The following GATA5 variants were observed in gnomAD, a reference collection of about 807,000 sequenced individuals.
GATA5 encodes transcription factor GATA-5.
Under a neutral mutation model 35.0 loss-of-function variants are expected in GATA5, and 27 were observed. The observed-to-expected ratio is 0.77, with a 90% CI of 0.57 to 1.06. GATA5 has a LOEUF of 1.06. Among genes scored for constraint, GATA5 ranks in the 50% least tolerant of loss-of-function variants. GATA5 has a pLI of 0.00. For missense variants in GATA5, 612 were observed against 580.0 expected (o/e 1.06, Z -0.57); for synonymous variants, 306 against 267.8 (o/e 1.14, Z -1.39).
rs1393956618 is a variant in GATA5, at chr20:62,463,785, C to A, written c.*1051G>T. Reference sequence around the variant, plus strand: ...AGGGCTTGTTGTTGAAGGGCAGCAGCCGGACGGAGGCGAGGATGTGCTCCC... The same window carrying A: ...AGGGCTTGTTGTTGAAGGGCAGCAGACGGACGGAGGCGAGGATGTGCTCCC... On this transcript the variant is annotated 3_prime_UTR_variant, in exon 7 of 7. Transcript: ENST00000252997. The A allele has an allele frequency of 4.4e-5, 5 of 112,556 alleles. No homozygotes were observed. The highest frequency in any genetic ancestry group is 1.6e-4 in the African/African-American group (5 of 30,476). The allele number at this position is 112,556 out of a possible 1,614,324, so 7.0% of individuals were successfully genotyped here. A position where few individuals can be genotyped will look rare whatever the true frequency, so the allele number is the denominator to read the frequency against.
At chr20:62,465,286 G>A in intron 6 of GATA5, 54 bp downstream of exon 6, 1 of 1,538,662 alleles carries the variant, frequency 6.5e-7, no homozygotes, top group Non-Finnish European at 8.7e-7. Flanking sequence ...TGACTTGGCG[G>A]AGGAAGCACA....
chr20:62,475,220 C>T lies in GATA5; in HGVS notation c.302G>A (p.Gly101Glu), dbSNP rs2146490434. The T allele has an allele frequency of 2.4e-6, 3 of 1,250,396 alleles. No individual in the cohort carries two copies. Among genetic ancestry groups the T allele is most frequent in the South Asian group, 3.3e-5 (1 of 30,112 alleles). 77.5% of individuals were successfully genotyped at this position (1,250,396 alleles called of 1,614,324 possible). A position where few individuals can be genotyped will look rare whatever the true frequency, so the allele number is the denominator to read the frequency against. The change falls in exon 2 of 7, where the codon GGG becomes GAG. Residue 101 changes from glycine to glutamate, a missense_variant. Gly to Glu is a moderately conservative substitution (Grantham distance 98). Transcript: ENST00000252997. ...TAFPFAHSPS[G>E]PGSGGSAGGR... ...CCCCGCGCTGCCGCCGCTGCCGGGC[C>T]CCGAGGGGCTGTGCGCGAAAGGGAA...
chr20:62,464,535 C>T lies in GATA5; in HGVS notation c.*301G>A, dbSNP rs1434708700. ...GAATTCAAGTTGGTGGTGGTGGTGC[C>T]CTGCGTTGGCCTCCGCCGCAGGGGG... On this transcript the variant is annotated 3_prime_UTR_variant, in exon 7 of 7. Coordinates refer to ENST00000252997, the MANE Select transcript of GATA5 (RefSeq NM_080473.5). 1 of 280,814 alleles carries T rather than the reference C, an allele frequency of 3.6e-6. No homozygotes were observed. The highest frequency in any genetic ancestry group is 1.4e-4 in the South Asian group (1 of 6,906). The allele number at this position is 280,814 out of a possible 1,614,324, so 17.4% of individuals were successfully genotyped here.
At chr20:62,466,606 A>AG in intron 3 of GATA5, 55 bp from the exon 4 acceptor site, 2 of 1,521,052 alleles carry the variant, frequency 1.3e-6, no homozygotes, top group Non-Finnish European at 1.8e-6. Context: ...CGGCTGGAGC[A>AG]GGGGGACGGA....
chr20:62,473,605 C>CG (rs1253126303), intron 2 of GATA5, 27 bp from the exon 3 acceptor site: 10 of 1,559,560 alleles, frequency 6.4e-6, no homozygotes, highest in East Asian at 2.4e-5. Context: ...CTGGTGGGCC[C>CG]GGGCCCTCCC....
chr20:62,473,757 CT>C (rs782281730), intron 2 of GATA5, among the ~76,000 whole-genome samples, 179 bp from the exon 3 acceptor site: 1 of 152,232 alleles, frequency 6.6e-6, no homozygotes, highest in African/African-American at 2.4e-5. Context: ...CTTACTTCAT[CT>C]TATTTTTAAA....
chr20:62,475,495 C>T lies in GATA5; in HGVS notation c.27G>A (p.Ala9=). The T allele has an allele frequency of 7.6e-7, 1 of 1,319,814 alleles. No individual in the cohort carries two copies. The highest frequency in any genetic ancestry group is 2.3e-5 in the South Asian group (1 of 43,136). 81.8% of individuals were successfully genotyped at this position (1,319,814 alleles called of 1,614,324 possible). A position where few individuals can be genotyped will look rare whatever the true frequency, so the allele number is the denominator to read the frequency against. MYQSLALA[A]SPRQAAYADS... is the part of the protein sequence containing the mutation. ...CGGCGTAGGCGGCCTGGCGGGGGCT[C>T]GCGGCCAGCGCCAGGCTCTGGTACA... is the stretch of plus-strand genomic sequence containing the variant. The change falls in exon 2 of 7, where the codon GCG becomes GCA. Residue 9 remains alanine, a synonymous_variant. Coordinates refer to ENST00000252997, the MANE Select transcript of GATA5 (RefSeq NM_080473.5).
rs1363547873 is a variant in GATA5, at chr20:62,470,073, C to A, written c.699+3330G>T. ...ATTTCGTTTTTCTTTTTTGTCGGTT[C>A]TTTTCAAAAGAAGTCAAACTTCAAA... On this transcript the variant is annotated intron_variant, in intron 3 of 6. Coordinates refer to ENST00000252997, the MANE Select transcript of GATA5 (RefSeq NM_080473.5). The surrounding 1 kb of genome is among the most constrained non-coding windows in gnomAD (Gnocchi z 4.6). Among the ~76,000 whole-genome samples, 2 of 152,368 alleles carry A rather than the reference C, an allele frequency of 1.3e-5. No homozygotes were observed. Among genetic ancestry groups the A allele is most frequent in the East Asian group, 3.9e-4 (2 of 5,184 alleles).
rs1459727785 is a variant in GATA5, at chr20:62,475,280, T to G, written c.242A>C (p.His81Pro). 113 of 1,244,260 alleles carry G rather than the reference T, an allele frequency of 9.1e-5. No homozygotes were observed. Among genetic ancestry groups the G allele is most frequent in the African/African-American group, 1.1e-4 (7 of 64,098 alleles). 77.1% of individuals were successfully genotyped at this position (1,244,260 alleles called of 1,614,324 possible). ...CCCGGGCGGGTGCGCGGCTGGGGGG[T>G]GCGGACTGCCCGGGCCGAAGGCCGA... ...DSSAFGPGSPHPPAAHPPGAT... is the reference protein window; with the variant it reads ...DSSAFGPGSPPPPAAHPPGAT... Residue 81 changes from histidine (H) to proline (P), a missense_variant, in exon 2 of 7, where the codon CAC becomes CCC. Physicochemically the swap from His to Pro is moderately conservative, Grantham distance 77 (BLOSUM62 -2). Transcript: ENST00000252997.
chr20:62,473,366 C>T (rs1263779618), intron 3 of GATA5, 37 bp downstream of exon 3: 2 of 1,576,922 alleles, frequency 1.3e-6, no homozygotes, highest in East Asian at 2.3e-5. Context: ...CGGGGGAGCA[C>T]TGCGCCCAGG....
In GATA5 at chr20:62,475,429, C is replaced by G; in HGVS notation, c.93G>C (p.Pro31=). ...SFLHAPGAGS[P]MFVPPARVPS... ...GGACGCGCGCCGGCGGCACAAACAT[C>G]GGAGAGCCGGCGCCCGGAGCGTGCA... The change falls in exon 2 of 7, where the codon CCG becomes CCC. Residue 31 remains proline, a synonymous_variant. Coordinates refer to ENST00000252997, the MANE Select transcript of GATA5 (RefSeq NM_080473.5). The G allele has an allele frequency of 7.4e-7, 1 of 1,360,156 alleles. No homozygotes were observed. Among genetic ancestry groups the G allele is most frequent in the Non-Finnish European group, 9.5e-7 (1 of 1,057,202 alleles). 84.3% of individuals were successfully genotyped at this position (1,360,156 alleles called of 1,614,324 possible).
intron 3 of GATA5, among the ~76,000 whole-genome samples, chr20:62,468,183 C>T (rs910392035): frequency 6.6e-6 from 1 of 151,126 alleles, no homozygotes; most frequent in Non-Finnish European, 1.5e-5. Context: ...CCATCTGTTA[C>T]AGCCCTCTAT....
Position 62,475,030 on chromosome 20 carries a change from C to A in GATA5, c.492G>T (p.Leu164=). Residue 164 remains leucine, a synonymous_variant, in exon 2 of 7, where the codon CTG becomes CTT. Transcript: ENST00000252997. ...WTAGPFDGSV[L]HGLPGRRPTF... ...TGGGCCTGCGGCCTGGGAGGCCGTGCAGGACGCTGCCATCGAAGGGCCCGG... is the reference window on the plus strand; with the variant it reads ...TGGGCCTGCGGCCTGGGAGGCCGTGAAGGACGCTGCCATCGAAGGGCCCGG... The A allele has an allele frequency of 7.2e-7, 1 of 1,392,402 alleles. No individual in the cohort carries two copies. The highest frequency in any genetic ancestry group is 9.4e-7 in the Non-Finnish European group (1 of 1,068,340). 86.3% of individuals were successfully genotyped at this position (1,392,402 alleles called of 1,614,324 possible). A position where few individuals can be genotyped will look rare whatever the true frequency, so the allele number is the denominator to read the frequency against.
chr20:62,466,623 A>G (rs1989598951), intron 3 of GATA5, 72 bp from the exon 4 acceptor site: 1 of 1,505,234 alleles, frequency 6.6e-7, no homozygotes, highest in East Asian at 2.5e-5. Context: ...CGGAAGCGAG[A>G]CTCAGGTCGG....
In GATA5 at chr20:62,466,448, C is replaced by A; in HGVS notation, c.803G>T (p.Gly268Val). The change falls in exon 4 of 7, where the codon GGC becomes GTC. Residue 268 changes from glycine to valine, a missense_variant. Physicochemically the swap from Gly to Val is moderately radical, Grantham distance 109. Coordinates refer to ENST00000252997, the MANE Select transcript of GATA5 (RefSeq NM_080473.5). ...CACCCCGTGCAGCTTCATGTAGAGGCCGCAGGCATTGCACACGGGCTCCCC... is the reference window on the plus strand; with the variant it reads ...CACCCCGTGCAGCTTCATGTAGAGGACGCAGGCATTGCACACGGGCTCCCC... ...SEGEPVCNAC[G>V]LYMKLHGVPR... is the part of the protein sequence containing the mutation. The A allele has an allele frequency of 6.3e-7, 1 of 1,585,476 alleles. No individual in the cohort carries two copies.
chr20:62,465,562 G>C, intron 5 of GATA5, 98 bp from the exon 6 acceptor site: 1 of 1,460,750 alleles, frequency 6.8e-7, no homozygotes, highest in South Asian at 1.3e-5. Flanking sequence ...GCCCAGAGAG[G>C]TTTGGAGACT....
Position 62,475,072 on chromosome 20 carries a change from C to T in GATA5, c.450G>A (p.Val150=), listed in dbSNP as rs1451945338. 3 of 1,411,344 alleles carry T rather than the reference C, an allele frequency of 2.1e-6. No homozygotes were observed. The highest frequency in any genetic ancestry group is 2.8e-6 in the Non-Finnish European group (3 of 1,079,488). The allele number at this position is 1,411,344 out of a possible 1,614,324, so 87.4% of individuals were successfully genotyped here. ...AGGGCCCGGCAGTCCAGGACTGGGCCACGTCGGGGCTCACGTAGGCCGGGT... is the reference window on the plus strand; with the variant it reads ...AGGGCCCGGCAGTCCAGGACTGGGCTACGTCGGGGCTCACGTAGGCCGGGT... ...ATYPAYVSPD[V]AQSWTAGPFD... Residue 150 remains valine (V), a synonymous_variant, in exon 2 of 7, where the codon GTG becomes GTA. Coordinates refer to ENST00000252997, the MANE Select transcript of GATA5 (RefSeq NM_080473.5).
At chr20:62,473,282 C>A in intron 3 of GATA5, 121 bp downstream of exon 3, 2 of 1,119,038 alleles carry the variant, frequency 1.8e-6, no homozygotes, top group South Asian at 2.9e-5. Context: ...GGCACCCAGG[C>A]TGTTTTTGGG....
chr20:62,468,901 C>T (rs1231096515), intron 3 of GATA5, among the ~76,000 whole-genome samples: 3 of 152,252 alleles, frequency 2.0e-5, no homozygotes, highest in African/African-American at 4.8e-5. Flanking sequence ...TGGGGTCACC[C>T]AGGGCCCCCA....
Sources: allele counts gnomAD v4.1 joint callset (sites outside exome capture counted in the v4.1 genomes callset), GRCh38; gene constraint gnomAD v4.1.1; non-coding constraint Gnocchi (gnomAD v3.1); transcripts MANE v1.5; gene names NCBI Gene and HGNC (gene_info 2026-07-23, HGNC 2026-07-21).